The following LRRC7 variants were observed in gnomAD, a reference collection of about 807,000 sequenced individuals.
LRRC7 encodes the protein leucine rich repeat containing 7, also known as leucine-rich repeat-containing protein 7.
A neutral mutation model predicts 175.7 loss-of-function variants in LRRC7; 23 were observed. The observed-to-expected ratio is 0.13, with a 90% CI of 0.09 to 0.19. LRRC7 has a LOEUF of 0.19. Ranked by LOEUF, LRRC7 falls within the 10% of genes least tolerant of loss-of-function variation. The pLI, the probability that LRRC7 is intolerant of heterozygous loss-of-function variation, is 1.00. For synonymous variants in LRRC7, 685 were observed against 680.9 expected (o/e 1.01, Z -0.09); for missense variants, 1,354 against 1,904.7 (o/e 0.71, Z 5.38).
intron 7 of LRRC7, among the ~76,000 whole-genome samples, chr1:69,858,127 C>T (rs1683919691): frequency 6.6e-6 from 1 of 152,174 alleles, no homozygotes; most frequent in African/African-American, 2.4e-5. Flanking sequence ...GGATTAAAGA[C>T]TTAAATGTTA....
At chr1:69,633,803 C>A (rs1035543361) in intron 1 of LRRC7, among the ~76,000 whole-genome samples, 2 of 152,070 alleles carry the variant, frequency 1.3e-5, no homozygotes, top group African/African-American at 4.8e-5. Context: ...TAATCTAGGG[C>A]CTGCCATGGG....
chr1:69,674,938 G>T (rs574529804), intron 1 of LRRC7, among the ~76,000 whole-genome samples: 1 of 151,640 alleles, frequency 6.6e-6, no homozygotes. Flanking sequence ...TTCATTTACC[G>T]AGCTCTCCAT....
chr1:69,769,293 T>C (rs1671962216), intron 3 of LRRC7, among the ~76,000 whole-genome samples: 1 of 152,150 alleles, frequency 6.6e-6, no homozygotes, highest in African/African-American at 2.4e-5. Context: ...CCTACAATTG[T>C]GGTGATGATC....
intron 26 of LRRC7, among the ~76,000 whole-genome samples, chr1:70,112,796 A>T (rs1178316057): frequency 6.6e-6 from 1 of 152,038 alleles, no homozygotes; most frequent in Non-Finnish European, 1.5e-5. Context: ...CTTAACAGAA[A>T]GAAAAGGAGG....
chr1:69,730,203 C>T (rs1418280729), intron 2 of LRRC7, among the ~76,000 whole-genome samples: 1 of 152,218 alleles, frequency 6.6e-6, no homozygotes, highest in African/African-American at 2.4e-5. Flanking sequence ...GGGTCTCTGA[C>T]ATCCCTGGAG....
rs573788245 is a variant in LRRC7 at position 69,928,352 on chromosome 1, G to A, written c.648-3155G>A. ...CTCTTCAAAGCTGTCAGACAGGGAC[G>A]TTTAAGTCTGCAGAGGTTACTGCTG... On this transcript the variant is annotated intron_variant, in intron 7 of 26. Coordinates refer to ENST00000651989, the MANE Select transcript of LRRC7 (RefSeq NM_001370785.2). Among the ~76,000 whole-genome samples, 523 of 152,308 alleles carry A rather than the reference G, an allele frequency of 3.4e-3. 2 individuals are homozygous for A. The highest frequency in any genetic ancestry group is 0.011 in the African/African-American group (461 of 41,572).
chr1:70,066,411 C>T (rs903797352), intron 23 of LRRC7, among the ~76,000 whole-genome samples: 1 of 151,916 alleles, frequency 6.6e-6, no homozygotes, highest in Admixed American at 6.6e-5. Context: ...TTAATTAACT[C>T]CTGGCATTTC....
At chr1:69,863,264 C>T (rs1304663045) in intron 7 of LRRC7, among the ~76,000 whole-genome samples, 3 of 152,138 alleles carry the variant, frequency 2.0e-5, no homozygotes, top group Non-Finnish European at 4.4e-5. Context: ...TCTTTGATGA[C>T]CCTCCAATCT....
At chr1:69,609,330 T>A (rs757633513) in intron 1 of LRRC7, among the ~76,000 whole-genome samples, 1 of 152,100 alleles carries the variant, frequency 6.6e-6, no homozygotes, top group African/African-American at 2.4e-5. Flanking sequence ...TTTAATATGT[T>A]AATCTATATA....
At chr1:69,632,204 A>G (rs930476676) in intron 1 of LRRC7, among the ~76,000 whole-genome samples, 2 of 151,956 alleles carry the variant, frequency 1.3e-5, no homozygotes, top group South Asian at 2.1e-4. Flanking sequence ...CACAGCACCC[A>G]TTGTTTCCCT....
chr1:70,032,506 CA>C (rs1408672663), intron 18 of LRRC7, among the ~76,000 whole-genome samples: 1 of 152,012 alleles, frequency 6.6e-6, no homozygotes, highest in Non-Finnish European at 1.5e-5. Context: ...TCTTCTTTTT[CA>C]AGAGAATTAT....
At chr1:69,951,623 A>G (rs1188269340) in intron 8 of LRRC7, among the ~76,000 whole-genome samples, 1 of 152,124 alleles carries the variant, frequency 6.6e-6, no homozygotes. Context: ...AAAGAACAAG[A>G]TCATGTCTTT....
At chr1:69,759,340 G>C (rs565272010) in intron 2 of LRRC7, among the ~76,000 whole-genome samples, 5 of 151,882 alleles carry the variant, frequency 3.3e-5, no homozygotes, top group Non-Finnish European at 7.4e-5. Context: ...GCCCTGAAAG[G>C]CCTTACTGTT....
intron 7 of LRRC7, among the ~76,000 whole-genome samples, chr1:69,914,493 C>T (rs532616214): frequency 4.0e-4 from 61 of 152,130 alleles, no homozygotes; most frequent in Non-Finnish European, 6.9e-4. Flanking sequence ...ACCAAAATGA[C>T]GGCATTAAGA....
intron 25 of LRRC7, among the ~76,000 whole-genome samples, chr1:70,096,549 T>A (rs1664412123): frequency 6.6e-6 from 1 of 152,170 alleles, no homozygotes; most frequent in Non-Finnish European, 1.5e-5. Context: ...TATTTATTTG[T>A]CTTTTTTTGT....
At chr1:69,667,931 T>A (rs1027669363) in intron 1 of LRRC7, among the ~76,000 whole-genome samples, 1 of 152,186 alleles carries the variant, frequency 6.6e-6, no homozygotes, top group Non-Finnish European at 1.5e-5. Flanking sequence ...TTTTCTCTGG[T>A]GATATTATTT....
chr1:69,855,903 T>A (rs1237399045), intron 7 of LRRC7, among the ~76,000 whole-genome samples: 1 of 152,194 alleles, frequency 6.6e-6, no homozygotes, highest in Non-Finnish European at 1.5e-5. Context: ...TCTCTTTTGA[T>A]CTTTGTTGGT....
chr1:69,766,500 G>A (rs1671634010), intron 3 of LRRC7, among the ~76,000 whole-genome samples: 2 of 152,138 alleles, frequency 1.3e-5, no homozygotes, highest in South Asian at 4.1e-4. Context: ...AAAACACTCA[G>A]AGTGGATACA....
intron 26 of LRRC7, among the ~76,000 whole-genome samples, chr1:70,117,991 C>G (rs1054329597): frequency 1.3e-5 from 2 of 151,692 alleles, no homozygotes; most frequent in Admixed American, 6.6e-5. Flanking sequence ...TTTTTCAAAG[C>G]ATCATTGGGT....
Sources: allele counts gnomAD v4.1 joint callset (sites outside exome capture counted in the v4.1 genomes callset), GRCh38; gene constraint gnomAD v4.1.1; transcripts MANE v1.5; gene names NCBI Gene and HGNC (gene_info 2026-07-23, HGNC 2026-07-21).